ESCO1: variants seen among roughly 807,000 people sequenced by gnomAD.
The protein encoded by ESCO1 is N-acetyltransferase ESCO1.
A neutral mutation model predicts 83.5 loss-of-function variants in ESCO1; 33 were observed. The observed-to-expected ratio is 0.40, with a 90% CI of 0.30 to 0.53. The LOEUF is 0.53. ESCO1 is among the 20% of genes least tolerant of loss of function. The probability of loss-of-function intolerance (pLI) is 0.63; values close to 1 mark genes in which losing one functional copy is unlikely to be tolerated. For synonymous variants in ESCO1, 332 were observed against 324.3 expected (o/e 1.02, Z -0.25); for missense variants, 855 against 968.0 (o/e 0.88, Z 1.55).
In ESCO1 at chr18:21,568,088, T is replaced by C. The variant is rs756773967; in HGVS notation, c.1537A>G (p.Ser513Gly). The C allele has an allele frequency of 5.0e-6, 8 of 1,612,256 alleles. No homozygotes were observed. The highest frequency in any genetic ancestry group is 6.8e-6 in the Non-Finnish European group (8 of 1,178,792). ...SFDSASNKNF[S>G]QCLESKLENS... ...TCTAGCTTGGATTCCAAACATTGGC[T>C]GAAATTCTGAACACATATAATTCAA... The change falls in exon 5 of 12, where the codon AGC (serine) becomes GGC (glycine). Residue 513 changes from serine to glycine, a missense_variant. Transcript: ENST00000269214.
At chr18:21,535,371 C>T (rs1308967402) in intron 10 of ESCO1, among the ~76,000 whole-genome samples, 10 of 149,296 alleles carry the variant, frequency 6.7e-5, no homozygotes, top group African/African-American at 2.2e-4. Context: ...CACACCACCG[C>T]GCCTGGCTAT....
chr18:21,548,096 C>T (rs752565002), intron 8 of ESCO1, among the ~76,000 whole-genome samples: 12 of 151,524 alleles, frequency 7.9e-5, no homozygotes, highest in African/African-American at 2.4e-4. Flanking sequence ...AGCAAGACTC[C>T]GTCTCAAAAA....
chr18:21,546,383 C>G (rs901142550), intron 8 of ESCO1, among the ~76,000 whole-genome samples: 1 of 143,432 alleles, frequency 7.0e-6, no homozygotes, highest in African/African-American at 2.4e-5. Context: ...GAAACCCTGC[C>G]TCCACCAAAA....
intron 1 of ESCO1, among the ~76,000 whole-genome samples, chr18:21,590,517 G>C (rs973211575): frequency 6.6e-6 from 1 of 151,868 alleles, no homozygotes; most frequent in African/African-American, 2.4e-5. Context: ...ACCGCACCCA[G>C]TCATGAACCC....
chr18:21,586,758 C>CTCCCTT (rs1170801871), intron 1 of ESCO1, among the ~76,000 whole-genome samples: 1 of 152,080 alleles, frequency 6.6e-6, no homozygotes, highest in Admixed American at 6.6e-5. Flanking sequence ...GCCAGTCTAC[C>CTCCCTT]TTGGCTAGAA....
chr18:21,579,702 G>GTGGAGGTT (rs1243850473), intron 2 of ESCO1, among the ~76,000 whole-genome samples: 1 of 150,390 alleles, frequency 6.6e-6, no homozygotes, highest in Non-Finnish European at 1.5e-5. Context: ...AACCAAGGAG[G>GTGGAGGTT]TGGAGGTTGC....
intron 1 of ESCO1, among the ~76,000 whole-genome samples, chr18:21,591,725 T>G (rs1236343766): frequency 1.3e-5 from 2 of 151,830 alleles, no homozygotes; most frequent in Non-Finnish European, 2.9e-5. Flanking sequence ...AGAGGGGGAT[T>G]TGGCAGGGTC....
At chr18:21,533,157 A>T (rs1376421431) in intron 10 of ESCO1, among the ~76,000 whole-genome samples, 2 of 152,156 alleles carry the variant, frequency 1.3e-5, no homozygotes, top group Non-Finnish European at 2.9e-5. Flanking sequence ...AAGCCATTTC[A>T]TCACACTGCA....
At chr18:21,535,955 CA>C in intron 10 of ESCO1, 86 bp downstream of exon 10, 6 of 1,491,430 alleles carry the variant, frequency 4.0e-6, no homozygotes, top group Non-Finnish European at 5.4e-6. Context: ...GAAATGGAGA[CA>C]AATTTATCAG....
At chr18:21,581,932 A>G (rs1303920026) in intron 2 of ESCO1, among the ~76,000 whole-genome samples, 1 of 149,620 alleles carries the variant, frequency 6.7e-6, no homozygotes, top group African/African-American at 2.5e-5. Flanking sequence ...AAAAAAAAAG[A>G]AAAAAAAAAT....
chr18:21,558,325 T>C (rs918067775), intron 8 of ESCO1, among the ~76,000 whole-genome samples: 1 of 152,238 alleles, frequency 6.6e-6, no homozygotes, highest in Non-Finnish European at 1.5e-5. Context: ...TTTTAACCTT[T>C]TGAAAATACG....
In ESCO1 at chr18:21,540,130, A is replaced by C. The variant is rs1049970996; in HGVS notation, c.1954-121T>G. On this transcript the variant is annotated intron_variant, in intron 8 of 11. Transcript: ENST00000269214. ...AATTTGTCTAAAAATTGCAAACATG[A>C]AAAATATATGCTCATTAATGCTTAA... 33 of 865,738 alleles carry C rather than the reference A, an allele frequency of 3.8e-5. No individual in the cohort carries two copies. The African/African-American group carries it at 5.5e-4, about 14-fold the overall frequency. The allele number at this position is 865,738 out of a possible 1,614,324, so 53.6% of individuals were successfully genotyped here. A position where few individuals can be genotyped will look rare whatever the true frequency, so the allele number is the denominator to read the frequency against.
chr18:21,550,162 G>T (rs2038027827), intron 8 of ESCO1, among the ~76,000 whole-genome samples: 1 of 151,478 alleles, frequency 6.6e-6, no homozygotes, highest in South Asian at 2.1e-4. Flanking sequence ...CTAAGATGTT[G>T]ATTATGTCTG....
At chr18:21,565,842 G>A (rs1011104861) in intron 6 of ESCO1, among the ~76,000 whole-genome samples, 5 of 152,074 alleles carry the variant, frequency 3.3e-5, no homozygotes, top group Non-Finnish European at 5.9e-5. Flanking sequence ...GGAGGCTGAG[G>A]CAGAAGGATC....
intron 6 of ESCO1, among the ~76,000 whole-genome samples, chr18:21,564,607 A>C (rs1270892310): frequency 6.6e-6 from 1 of 150,946 alleles, no homozygotes; most frequent in East Asian, 2.0e-4. Flanking sequence ...CATGTTAGCC[A>C]GGATGGTCTC....
chr18:21,551,271 C>A (rs1410962399), intron 8 of ESCO1, among the ~76,000 whole-genome samples: 2 of 151,932 alleles, frequency 1.3e-5, no homozygotes, highest in African/African-American at 4.8e-5. Flanking sequence ...GAGATCGATA[C>A]CATCCTGGCT....
At chr18:21,558,711 A>T (rs577137205) in intron 8 of ESCO1, among the ~76,000 whole-genome samples, 1 of 144,818 alleles carries the variant, frequency 6.9e-6, no homozygotes, top group African/African-American at 2.5e-5. Flanking sequence ...TGGGTGACAC[A>T]GCAAGACTCT....
chr18:21,540,034 A>T (rs1056466686), intron 8 of ESCO1, 25 bp from the exon 9 acceptor site: 1 of 1,499,480 alleles, frequency 6.7e-7, no homozygotes, highest in Non-Finnish European at 9.1e-7. Context: ...ATATATATAC[A>T]CACATATGTA....
rs1469178697 is a variant in ESCO1, at chr18:21,573,435, A to T, written c.1409T>A (p.Val470Glu). ...SEEVKINDIT[V>E]EINKTTERAP... Reference sequence around the variant, plus strand: ...CCTTTCTGTGGTTTTATTAATTTCTACTGTAATATCATTAATTTTCACTTC... The same window carrying T: ...CCTTTCTGTGGTTTTATTAATTTCTTCTGTAATATCATTAATTTTCACTTC... The change falls in exon 4 of 12, where the codon GTA (valine) becomes GAA (glutamate). Residue 470 changes from valine to glutamate, a missense_variant. Around this residue, in one of 2 missense-constraint regions of ESCO1, gnomAD observed 726 missense variants for 699.5 expected, o/e 1.04. Transcript: ENST00000269214. 1.9e-6 allele frequency: 3 copies of T among 1,612,194 alleles called. No individual in the cohort carries two copies. In the African/African-American group the frequency reaches 4.0e-5, roughly 22 times the overall value.
Sources: gnomAD v4.1 joint callset for allele counts (sites outside exome capture counted in the v4.1 genomes callset) on GRCh38, gnomAD v4.1.1 for gene constraint, gnomAD v4.1.1 regional missense constraint, MANE v1.5 for transcripts, NCBI Gene and HGNC (gene_info 2026-07-23, HGNC 2026-07-21) for gene names.